Variants in DOK5 observed in about 807,000 individuals in gnomAD.
DOK5 encodes downstream of tyrosine kinase 5.
DOK5 carries 27 observed loss-of-function variants against 43.3 expected under a neutral mutation model. The observed-to-expected ratio is 0.62, with a 90% confidence interval of 0.46 to 0.86. The LOEUF (loss-of-function observed/expected upper bound fraction) is 0.86, where lower values mean the gene tolerates loss of function less well. Among genes scored for constraint, DOK5 ranks in the 40% least tolerant of loss-of-function variants. The pLI, the probability that DOK5 is intolerant of heterozygous loss-of-function variation, is 0.00. For synonymous variants in DOK5, 146 were observed against 140.1 expected (o/e 1.04, Z -0.30); for missense variants, 373 against 392.9 (o/e 0.95, Z 0.43).
At chr20:54,490,045 T>G (rs1310470256) in intron 1 of DOK5, among the ~76,000 whole-genome samples, 9 of 152,248 alleles carry the variant, frequency 5.9e-5, no homozygotes, top group African/African-American at 2.2e-4. Context: ...CCCTAACTTG[T>G]GGCTGAGTTT....
intron 1 of DOK5, among the ~76,000 whole-genome samples, chr20:54,478,911 T>C (rs775352678): frequency 1.3e-5 from 2 of 152,182 alleles, no homozygotes; most frequent in Admixed American, 6.5e-5. Context: ...TATGTAGAAG[T>C]GTACAAAGGC....
At chr20:54,547,077 G>A (rs116641950) in intron 1 of DOK5, among the ~76,000 whole-genome samples, 1 of 152,114 alleles carries the variant, frequency 6.6e-6, no homozygotes. Flanking sequence ...AAATACTACC[G>A]TAGACCAGAG....
chr20:54,582,099 A>G (rs1985663017), intron 2 of DOK5, among the ~76,000 whole-genome samples: 1 of 151,882 alleles, frequency 6.6e-6, no homozygotes, highest in Non-Finnish European at 1.5e-5. Context: ...AAATTTGTCA[A>G]ATGCCTTTTC....
chr20:54,520,294 G>T (rs1002943235), intron 1 of DOK5, among the ~76,000 whole-genome samples: 1 of 151,958 alleles, frequency 6.6e-6, no homozygotes, highest in Non-Finnish European at 1.5e-5. Context: ...AATTCCATTA[G>T]CTCTGTGTTC....
At chr20:54,638,011 A>G (rs985271079) in intron 6 of DOK5, among the ~76,000 whole-genome samples, 1 of 151,348 alleles carries the variant, frequency 6.6e-6, no homozygotes, top group African/African-American at 2.4e-5. Flanking sequence ...AGTCCCAGTG[A>G]CTTGGGAGGC....
At position 54,503,533 on chromosome 20, in the gene DOK5, CAT is replaced by C. The variant is rs201151389; in HGVS notation, c.66+27524_66+27525del. On this transcript the variant is annotated intron_variant, in intron 1 of 7. Coordinates refer to ENST00000262593, the MANE Select transcript of DOK5 (RefSeq NM_018431.5). ...TATTCATCCTCTTCACAGTCTTTGT[CAT>C]ATGTGTGAATAGTTTTCACTGTTAT... is the stretch of plus-strand genomic sequence containing the variant. Among the ~76,000 whole-genome samples, 22 of 152,212 alleles carry C rather than the reference CAT, an allele frequency of 1.4e-4. No homozygotes were observed. The East Asian group carries it at 4.1e-3, about 28-fold the overall frequency.
At chr20:54,486,569 A>T (rs1981943350) in intron 1 of DOK5, among the ~76,000 whole-genome samples, 1 of 150,736 alleles carries the variant, frequency 6.6e-6, no homozygotes, top group African/African-American at 2.5e-5. Flanking sequence ...ACACACACAC[A>T]TGCACACACA....
intron 1 of DOK5, among the ~76,000 whole-genome samples, chr20:54,508,630 G>T (rs930401010): frequency 2.0e-5 from 3 of 151,950 alleles, no homozygotes; most frequent in African/African-American, 7.3e-5. Flanking sequence ...GCCCAGGCTG[G>T]AGTGCAATGG....
At chr20:54,564,481 G>A (rs1985024827) in intron 2 of DOK5, among the ~76,000 whole-genome samples, 1 of 152,050 alleles carries the variant, frequency 6.6e-6, no homozygotes, top group Non-Finnish European at 1.5e-5. Context: ...ATATTATTTT[G>A]GTCAACACCA....
intron 6 of DOK5, among the ~76,000 whole-genome samples, chr20:54,636,437 A>G (rs1002315278): frequency 1.3e-5 from 2 of 152,228 alleles, no homozygotes; most frequent in Admixed American, 6.5e-5. Context: ...TCACTATTGC[A>G]GAACCTGAGA....
intron 2 of DOK5, among the ~76,000 whole-genome samples, chr20:54,562,347 A>G (rs1377285914): frequency 6.6e-6 from 1 of 152,190 alleles, no homozygotes; most frequent in Admixed American, 6.5e-5. Flanking sequence ...TCATCTGAGC[A>G]CATGCATGGT....
At chr20:54,616,973 G>T (rs1426575656) in intron 6 of DOK5, among the ~76,000 whole-genome samples, 3 of 151,794 alleles carry the variant, frequency 2.0e-5, no homozygotes, top group African/African-American at 7.3e-5. Context: ...TGTATTTTTA[G>T]TGGAGACGGG....
intron 6 of DOK5, among the ~76,000 whole-genome samples, chr20:54,615,894 C>T (rs1986792692): frequency 8.5e-6 from 1 of 117,664 alleles, no homozygotes; most frequent in African/African-American, 4.4e-5. Flanking sequence ...AGCGAGACTC[C>T]ATCTCAAAAA....
chr20:54,516,822 AG>A (rs1568763181), intron 1 of DOK5, among the ~76,000 whole-genome samples: 1 of 152,236 alleles, frequency 6.6e-6, no homozygotes, highest in African/African-American at 2.4e-5. Context: ...TTTACAGTCT[AG>A]GGGGTAGACC....
intron 6 of DOK5, among the ~76,000 whole-genome samples, chr20:54,624,754 G>A (rs958727221): frequency 3.3e-5 from 5 of 152,170 alleles, no homozygotes; most frequent in Non-Finnish European, 7.3e-5. Flanking sequence ...AGATGGCTCC[G>A]AATAAATTGA....
At chr20:54,630,874 T>C (rs763193020) in intron 6 of DOK5, among the ~76,000 whole-genome samples, 1 of 152,204 alleles carries the variant, frequency 6.6e-6, no homozygotes, top group Non-Finnish European at 1.5e-5. Context: ...TAATATTCAT[T>C]TAAAAACCGG....
At chr20:54,481,176 A>ATCTC (rs1300388262) in intron 1 of DOK5, among the ~76,000 whole-genome samples, 10 of 137,748 alleles carry the variant, frequency 7.3e-5, no homozygotes, top group African/African-American at 2.6e-4. Flanking sequence ...CTATCTATCT[A>ATCTC]TCTATATTTT....
chr20:54,633,946 A>G (rs552663285), intron 6 of DOK5, among the ~76,000 whole-genome samples: 29 of 152,194 alleles, frequency 1.9e-4, no homozygotes, highest in Non-Finnish European at 4.0e-4. Flanking sequence ...CTACCATAAA[A>G]ACAGTTGGAT....
chr20:54,569,088 T>C (rs1985199983), intron 2 of DOK5, among the ~76,000 whole-genome samples: 1 of 152,072 alleles, frequency 6.6e-6, no homozygotes, highest in African/African-American at 2.4e-5. Context: ...TTACTCTGTC[T>C]GCACACACAG....
Sources: gnomAD v4.1 joint callset for allele counts (sites outside exome capture counted in the v4.1 genomes callset) on GRCh38, gnomAD v4.1.1 for gene constraint, MANE v1.5 for transcripts, NCBI Gene and HGNC (gene_info 2026-07-23, HGNC 2026-07-21) for gene names.